Variants in CREBBP observed in about 807,000 individuals in gnomAD.
CREBBP encodes CREB-binding protein.
CREBBP carries 19 observed loss-of-function variants against 265.0 expected under a neutral mutation model. The observed-to-expected ratio is 0.07, with a 90% CI of 0.05 to 0.11. The LOEUF (loss-of-function observed/expected upper bound fraction) is 0.11, where lower values mean the gene tolerates loss of function less well. CREBBP is among the 10% of genes least tolerant of loss of function. The pLI is 1.00. For synonymous variants in CREBBP, 1,457 were observed against 1,223.7 expected, an observed-to-expected ratio of 1.19 and a Z score of -3.98; for missense variants, 2,525 against 3,219.0, an observed-to-expected ratio of 0.78 and a Z score of 5.22.
chr16:3,871,195 T>TCACACACACACA (rs201848866), intron 1 of CREBBP, among the ~76,000 whole-genome samples: 2 of 79,110 alleles, frequency 2.5e-5, no homozygotes, highest in Non-Finnish European at 5.4e-5. Context: ...TCTCTCTCTC[T>TCACACACACACA]CACTCACACA....
rs548927511 is a variant in CREBBP, at chr16:3,827,555, C to T, written c.799-16776G>A. 7.9e-5 allele frequency among the ~76,000 whole-genome samples: 12 copies of T among 152,174 alleles called. No homozygotes were observed. In the East Asian group the frequency reaches 2.1e-3, roughly 27 times the overall value. On this transcript the variant is annotated intron_variant, in intron 2 of 30. Coordinates refer to ENST00000262367, the MANE Select transcript of CREBBP (RefSeq NM_004380.3). ...TACAGGCGCCCGCCACCACGCCCGG[C>T]TAATTTTTTATATTTTTAGTGGAGA...
chr16:3,819,266 C>A (rs1297644687), intron 2 of CREBBP, among the ~76,000 whole-genome samples: 1 of 152,256 alleles, frequency 6.6e-6, no homozygotes, highest in African/African-American at 2.4e-5. Context: ...TTACTTAAAC[C>A]TCTCTGCACC....
At chr16:3,821,825 T>G (rs528730556) in intron 2 of CREBBP, among the ~76,000 whole-genome samples, 4 of 151,920 alleles carry the variant, frequency 2.6e-5, no homozygotes, top group Non-Finnish European at 5.9e-5. Flanking sequence ...AGGTCAGGAG[T>G]TGGAGACCCG....
rs1249341933 is a variant in CREBBP, at chr16:3,757,239, G to C, written c.3698+49C>G. ...TAATGTACACAGACTATAACCAGATGAACGTGCCTTGCCCTAAGACATAAT... is the reference window on the plus strand; with the variant it reads ...TAATGTACACAGACTATAACCAGATCAACGTGCCTTGCCCTAAGACATAAT... On this transcript the variant is annotated intron_variant, in intron 19 of 30. Coordinates refer to ENST00000262367, the MANE Select transcript of CREBBP (RefSeq NM_004380.3). 3 of 1,404,646 alleles carry C rather than the reference G, an allele frequency of 2.1e-6. No homozygotes were observed. The African/African-American group carries it at 4.2e-5, about 20-fold the overall frequency. The allele number at this position is 1,404,646 out of a possible 1,614,324, so 87.0% of individuals were successfully genotyped here.
intron 13 of CREBBP, 117 bp from the exon 14 acceptor site, chr16:3,771,103 T>C (rs893811370): frequency 5.5e-6 from 6 of 1,100,696 alleles, no homozygotes; most frequent in Non-Finnish European, 8.0e-6. Flanking sequence ...AGTTTCACTC[T>C]TGTCGCCCAG....
intron 1 of CREBBP, among the ~76,000 whole-genome samples, chr16:3,854,879 T>C (rs1009498608): frequency 6.6e-6 from 1 of 152,350 alleles, no homozygotes; most frequent in Admixed American, 6.5e-5. Context: ...GATTTAGGAG[T>C]GTGTACATGC....
chr16:3,794,359 A>AAAAT (rs2053566133), intron 3 of CREBBP, among the ~76,000 whole-genome samples: 4 of 148,588 alleles, frequency 2.7e-5, no homozygotes, highest in African/African-American at 1.0e-4. Flanking sequence ...AAAAAAAAAA[A>AAAAT]AAAAAAGATT....
chr16:3,798,639 C>G (rs557474558), intron 3 of CREBBP, among the ~76,000 whole-genome samples: 1 of 152,190 alleles, frequency 6.6e-6, no homozygotes, highest in Admixed American at 6.5e-5. Flanking sequence ...CCACTTCACA[C>G]CCACCACATG....
rs928930858 is a variant in CREBBP, at chr16:3,727,395, TA to T, written c.*322del. The T allele has an allele frequency of 5.5e-4, 162 of 295,868 alleles. No homozygotes were observed. Among genetic ancestry groups the T allele is most frequent in the Non-Finnish European group, 8.5e-4 (135 of 158,200 alleles). The allele number at this position is 295,868 out of a possible 1,614,324, so 18.3% of individuals were successfully genotyped here. On this transcript the variant is annotated 3_prime_UTR_variant, in exon 31 of 31. Coordinates refer to ENST00000262367, the MANE Select transcript of CREBBP (RefSeq NM_004380.3). Reference sequence around the variant, plus strand: ...AATATAATGAACTTGTTTTTCCCGTTAAAAAAAGGCATGAGTCACCAGCAAT... The same window carrying T: ...AATATAATGAACTTGTTTTTCCCGTTAAAAAAGGCATGAGTCACCAGCAAT...
At chr16:3,739,859 G>C in intron 24 of CREBBP, 135 bp from the exon 25 acceptor site, 1 of 1,249,580 alleles carries the variant, frequency 8.0e-7, no homozygotes, top group Non-Finnish European at 1.2e-6. Context: ...CCGTGGCCTG[G>C]AGTCCTCCCT....
At chr16:3,849,282 C>T (rs539720396) in intron 2 of CREBBP, among the ~76,000 whole-genome samples, 2 of 152,176 alleles carry the variant, frequency 1.3e-5, no homozygotes, top group South Asian at 4.1e-4. Flanking sequence ...CATCTGCCTT[C>T]CCCCTTCTCC....
intron 1 of CREBBP, among the ~76,000 whole-genome samples, chr16:3,858,076 A>G (rs2055000379): frequency 6.6e-6 from 1 of 152,246 alleles, no homozygotes. Flanking sequence ...GCAGACTGTT[A>G]GGTGGGGATC....
chr16:3,749,966 C>T lies in CREBBP; in HGVS notation c.3780-283G>A, dbSNP rs1017007. 0.05 allele frequency among the ~76,000 whole-genome samples: 7,661 copies of T among 152,102 alleles called. 504 individuals are homozygous for T. The highest frequency in any genetic ancestry group is 0.15 in the African/African-American group (6,317 of 41,476). On this transcript the variant is annotated intron_variant, in intron 20 of 30. Transcript: ENST00000262367. ...CCCAGGCTGGAGTGCAGTGGCGTGA[C>T]CATGGCTCACTGCAGCCTTAACCTC...
intron 3 of CREBBP, 81 bp from the exon 4 acceptor site, chr16:3,793,707 G>A: frequency 6.6e-7 from 1 of 1,509,440 alleles, no homozygotes; most frequent in Admixed American, 1.9e-5. Context: ...TCAAACAAAA[G>A]CAAAAGCTGA....
rs201549604 is a variant in CREBBP at position 3,769,306 on chromosome 16, G to A, written c.2928C>T (p.Ser976=). The A allele has an allele frequency of 7.9e-5, 128 of 1,614,214 alleles. No individual in the cohort carries two copies. The highest frequency in any genetic ancestry group is 1.1e-4 in the Non-Finnish European group (127 of 1,180,042). ...AATTGGTTTCTGCGCTGGCCACCGA[G>A]GAGGGGGTAGGGACTCTGTTATCAA... ...ASIDNRVPTP[S]SVASAETNSQ... is the part of the protein sequence containing the mutation. Residue 976 remains serine (S), a synonymous_variant, in exon 15 of 31, where the codon TCC becomes TCT. Coordinates refer to ENST00000262367, the MANE Select transcript of CREBBP (RefSeq NM_004380.3).
chr16:3,728,509 G>C lies in CREBBP; in HGVS notation c.6538C>G (p.Pro2180Ala), dbSNP rs761992793. The C allele has an allele frequency of 1.9e-6, 3 of 1,613,954 alleles. No individual in the cohort carries two copies. The highest frequency in any genetic ancestry group is 3.3e-5 in the Admixed American group (2 of 60,008). Residue 2180 changes from proline (P) to alanine (A), a missense_variant, in exon 31 of 31, where the codon CCC becomes GCC. Physicochemically the swap from Pro to Ala is conservative, Grantham distance 27 (BLOSUM62 -1). Coordinates refer to ENST00000262367, the MANE Select transcript of CREBBP (RefSeq NM_004380.3). The surrounding 1 kb of genome is among the most constrained non-coding windows in gnomAD (Gnocchi z 8.7). ...TGTGGATTCATACTCGCCATGTTGG[G>C]GTTGTGTCCTGGGTTCATGATGTTC... ...ALNIMNPGHNPNMASMNPQYR... is the reference protein window; with the variant it reads ...ALNIMNPGHNANMASMNPQYR...
intron 2 of CREBBP, among the ~76,000 whole-genome samples, chr16:3,848,771 C>T (rs1461739346): frequency 2.0e-5 from 3 of 152,254 alleles, no homozygotes; most frequent in East Asian, 3.9e-4. Context: ...TCAATCTCTC[C>T]AGGAACCATA....
rs879293877 is a variant in CREBBP at position 3,759,588 on chromosome 16, C to CAAAAAAAAAAAAAAA, written c.3251-617_3251-616insTTTTTTTTTTTTTTT. Among the ~76,000 whole-genome samples, 79 of 129,438 alleles carry CAAAAAAAAAAAAAAA rather than the reference C, an allele frequency of 6.1e-4. 7 individuals carry two copies. The highest frequency in any genetic ancestry group is 2.5e-3 in the African/African-American group (69 of 27,232). 84.9% of individuals were successfully genotyped at this position (129,438 alleles called of 152,430 possible). On this transcript the variant is annotated intron_variant, in intron 16 of 30. Transcript: ENST00000262367. ...GACAACAAGAGCAAAACTCTGTCTC[C>CAAAAAAAAAAAAAAA]AAAAAAAAAAGACCATTTCATTGGA...
chr16:3,735,878 G>A (rs2052043845), intron 28 of CREBBP, among the ~76,000 whole-genome samples, 158 bp downstream of exon 28: 2 of 151,698 alleles, frequency 1.3e-5, no homozygotes, highest in Non-Finnish European at 2.9e-5. Context: ...CCACACTGCT[G>A]CCCACCAACG....
Sources: allele counts gnomAD v4.1 joint callset (sites outside exome capture counted in the v4.1 genomes callset), GRCh38; gene constraint gnomAD v4.1.1; non-coding constraint Gnocchi (gnomAD v3.1); transcripts MANE v1.5; gene names NCBI Gene and HGNC (gene_info 2026-07-23, HGNC 2026-07-21).